The following ILF2 variants were observed in gnomAD, a reference collection of about 807,000 sequenced individuals.
ILF2 encodes the protein interleukin enhancer binding factor 2, also known as interleukin enhancer-binding factor 2.
A neutral mutation model predicts 55.3 loss-of-function variants in ILF2; 9 were observed. The observed-to-expected ratio is 0.16, with a 90% CI of 0.10 to 0.28. The LOEUF is 0.28. Among genes scored for constraint, ILF2 ranks in the 10% least tolerant of loss-of-function variants. The probability of loss-of-function intolerance (pLI) is 1.00; values close to 1 mark genes in which losing one functional copy is unlikely to be tolerated. For missense variants in ILF2, 266 were observed against 474.9 expected, an observed-to-expected ratio of 0.56 and a Z score of 4.09; for synonymous variants, 151 against 161.8, an observed-to-expected ratio of 0.93 and a Z score of 0.50.
rs1243786311 is a variant in ILF2, at chr1:153,662,432, T to C, written c.1137A>G (p.Gln379=). The C allele has an allele frequency of 1.2e-6, 2 of 1,613,450 alleles. No homozygotes were observed. The highest frequency in any genetic ancestry group is 1.7e-6 in the Non-Finnish European group (2 of 1,179,470). The change falls in exon 14 of 14, where the codon CAA becomes CAG. Residue 379 remains glutamine, a synonymous_variant. Coordinates refer to ENST00000361891, the MANE Select transcript of ILF2 (RefSeq NM_004515.4). ...TTTCCATGCTTTCTTCTTCCTCTCC[T>C]TGAGGTGGTTCTTCTGTATTCTCCT... ...EEEENTEEPP[Q]GEEEESMETQ... is the part of the protein sequence containing the mutation.
intron 6 of ILF2, chr1:153,667,216 G>C (rs555504521): frequency 2.4e-6 from 1 of 410,212 alleles, no homozygotes; most frequent in Admixed American, 4.0e-5. Flanking sequence ...AGTGGCTCAC[G>C]CCTGTAATCC....
At chr1:153,663,163 A>G in intron 11 of ILF2, 30 bp from the exon 12 acceptor site, 1 of 1,613,842 alleles carries the variant, frequency 6.2e-7, no homozygotes, top group South Asian at 1.1e-5. Context: ...GAGGTATTAA[A>G]GGAATGCACA....
chr1:153,669,996 G>A (rs982458255), intron 2 of ILF2, 118 bp from the exon 3 acceptor site: 39 of 1,110,168 alleles, frequency 3.5e-5, no homozygotes, highest in Middle Eastern at 3.9e-4. Context: ...AGTCTCCGGG[G>A]AGGGAAAGAA....
Position 153,664,406 on chromosome 1 carries a change from A to T in ILF2, c.646T>A (p.Ser216Thr). 1 of 1,613,766 alleles carries T rather than the reference A, an allele frequency of 6.2e-7. No homozygotes were observed. The highest frequency in any genetic ancestry group is 8.5e-7 in the Non-Finnish European group (1 of 1,179,630). The change falls in exon 9 of 14, where the codon TCT becomes ACT. Residue 216 changes from serine (S) to threonine (T), a missense_variant. Transcript: ENST00000361891. ...TAGAGAGGGACTCACGTGGACTGAG[A>T]AGCATTTTCCTCGAACCAGCGGGCA... ...RHARWFEENASQSTVKVLIRL... is the reference protein window; with the variant it reads ...RHARWFEENATQSTVKVLIRL...
At chr1:153,667,272 G>C (rs1324503992) in intron 6 of ILF2, 2 of 490,920 alleles carry the variant, frequency 4.1e-6, no homozygotes, top group African/African-American at 1.9e-5. Flanking sequence ...GAGCTCAGGA[G>C]TTTGAGACCA....
chr1:153,664,859 ACT>A (rs1328395925), intron 8 of ILF2, among the ~76,000 whole-genome samples: 4 of 152,094 alleles, frequency 2.6e-5, no homozygotes, highest in African/African-American at 9.7e-5. Context: ...CACCCGACCA[ACT>A]CTGCAATTCT....
chr1:153,663,390 GCAAT>G (rs1669224494), intron 10 of ILF2, 114 bp from the exon 11 acceptor site: 2 of 956,994 alleles, frequency 2.1e-6, no homozygotes, highest in South Asian at 2.8e-5. Context: ...GTGCAGTGGC[GCAAT>G]CATAGTTCAC....
Position 153,662,376 on chromosome 1 carries a change from G to A in ILF2, c.*20C>T. The A allele has an allele frequency of 2.5e-6, 4 of 1,613,828 alleles. No homozygotes were observed. The highest frequency in any genetic ancestry group is 3.4e-6 in the Non-Finnish European group (4 of 1,179,944). ...GGCTCCAGTCTTCCCCCTTGGGTAGGAAAAGGAGTGAAGGGAATGTCACTC... is the reference window on the plus strand; with the variant it reads ...GGCTCCAGTCTTCCCCCTTGGGTAGAAAAAGGAGTGAAGGGAATGTCACTC... On this transcript the variant is annotated 3_prime_UTR_variant, in exon 14 of 14. Coordinates refer to ENST00000361891, the MANE Select transcript of ILF2 (RefSeq NM_004515.4).
chr1:153,663,992 CTACTAG>C (rs776441075), intron 10 of ILF2, 45 bp downstream of exon 10: 41 of 878,114 alleles, frequency 4.7e-5, no homozygotes, highest in Non-Finnish European at 7.1e-5. Flanking sequence ...ACTACTACTA[CTACTAG>C]TAAATAAGGA....
chr1:153,665,785 G>T, intron 6 of ILF2, 57 bp from the exon 7 acceptor site: 2 of 1,317,672 alleles, frequency 1.5e-6, no homozygotes, highest in Non-Finnish European at 2.2e-6. Flanking sequence ...GACTTTCTAT[G>T]TATCTCTAAG....
intron 10 of ILF2, 131 bp from the exon 11 acceptor site, chr1:153,663,407 T>A: frequency 1.2e-6 from 1 of 818,654 alleles, no homozygotes; most frequent in Non-Finnish European, 2.0e-6. Context: ...TAGTTCACTG[T>A]AACCGCGAAC....
chr1:153,662,593 C>T (rs769375763), intron 13 of ILF2, 37 bp from the exon 14 acceptor site: 4 of 1,594,540 alleles, frequency 2.5e-6, no homozygotes. Context: ...ACGAGTAGCC[C>T]AGCATAAAAG....
rs761314129 is a variant in ILF2 at position 153,665,321 on chromosome 1, G to T, written c.476C>A (p.Thr159Asn). Residue 159 changes from threonine (T) to asparagine (N), a missense_variant, in exon 8 of 14, where the codon ACC (threonine) becomes AAC (asparagine). Transcript: ENST00000361891. Reference sequence around the variant, plus strand: ...ACTGATTTCAAAGCCAGTTTCGTTGGTCAGCATGGTTAAAACTGAAAAAAC... The same window carrying T: ...ACTGATTTCAAAGCCAGTTTCGTTGTTCAGCATGGTTAAAACTGAAAAAAC... Reference protein sequence around the residue: ...QDPSEVLTMLTNETGFEISSS... With the variant: ...QDPSEVLTMLNNETGFEISSS... The T allele has an allele frequency of 2.5e-5, 41 of 1,609,040 alleles. No individual in the cohort carries two copies. The highest frequency in any genetic ancestry group is 3.5e-5 in the Non-Finnish European group (41 of 1,175,448).
Position 153,662,434 on chromosome 1 carries a change from G to C in ILF2, c.1135C>G (p.Gln379Glu). Residue 379 changes from glutamine to glutamate, a missense_variant, in exon 14 of 14, where the codon CAA (glutamine) becomes GAA (glutamate). By Grantham distance (29) the Gln-to-Glu change is conservative (BLOSUM62 2). Coordinates refer to ENST00000361891, the MANE Select transcript of ILF2 (RefSeq NM_004515.4). ...EEEENTEEPP[Q>E]GEEEESMETQ... ...TCCATGCTTTCTTCTTCCTCTCCTT[G>C]AGGTGGTTCTTCTGTATTCTCCTCT... is the stretch of plus-strand genomic sequence containing the variant. 1 of 1,613,540 alleles carries C rather than the reference G, an allele frequency of 6.2e-7. No homozygotes were observed. The highest frequency in any genetic ancestry group is 8.5e-7 in the Non-Finnish European group (1 of 1,179,488).
Position 153,663,448 on chromosome 1 carries a change from C to T in ILF2, c.745-172G>A, listed in dbSNP as rs532124007. ...GGCTCAAGCAACCCTCCTGACTCAG[C>T]CTCCTGAGAAGCTAGGACTATAAGT... On this transcript the variant is annotated intron_variant, in intron 10 of 13. Transcript: ENST00000361891. Among the ~76,000 whole-genome samples the T allele has an allele frequency of 6.6e-5, 10 of 152,212 alleles. No individual in the cohort carries two copies. The South Asian group carries it at 8.3e-4, about 13-fold the overall frequency.
At chr1:153,666,744 T>C (rs1669317996) in intron 6 of ILF2, among the ~76,000 whole-genome samples, 1 of 152,176 alleles carries the variant, frequency 6.6e-6, no homozygotes, top group Admixed American at 6.5e-5. Flanking sequence ...TTACCTCCAG[T>C]TGAGAAACAT....
rs778978449 is a variant in ILF2, at chr1:153,670,958, A to G, written c.-36T>C. The G allele has an allele frequency of 2.5e-6, 4 of 1,613,642 alleles. No homozygotes were observed. In the South Asian group the frequency reaches 3.3e-5, roughly 13 times the overall value. On this transcript the variant is annotated 5_prime_UTR_variant, in exon 1 of 14. Coordinates refer to ENST00000361891, the MANE Select transcript of ILF2 (RefSeq NM_004515.4). ...AACACGAACAATGGAGGCCGCACCAACCGCCCCTTCCTCTGAGTAGCAGAC... is the reference window on the plus strand; with the variant it reads ...AACACGAACAATGGAGGCCGCACCAGCCGCCCCTTCCTCTGAGTAGCAGAC...
In ILF2 at chr1:153,665,281, T is replaced by C. The variant is rs1340901964; in HGVS notation, c.516A>G (p.Thr172=). ...GCACTGTTGTAATGAGAATCTTCAC[T>C]GTAGCATCAGAAGAACTGATTTCAA... ...TGFEISSSDA[T]VKILITTVPP... is the part of the protein sequence containing the mutation. Residue 172 remains threonine, a synonymous_variant, in exon 8 of 14, where the codon ACA becomes ACG. Coordinates refer to ENST00000361891, the MANE Select transcript of ILF2 (RefSeq NM_004515.4). The C allele has an allele frequency of 1.9e-6, 3 of 1,613,952 alleles. No individual in the cohort carries two copies. The highest frequency in any genetic ancestry group is 2.5e-6 in the Non-Finnish European group (3 of 1,179,802).
In ILF2 at chr1:153,663,986, CTACTACTACT is replaced by C. The variant is rs1557951601; in HGVS notation, c.744+47_744+56del. 4.0e-5 allele frequency: 35 copies of C among 882,772 alleles called. 1 individual carries two copies. The highest frequency in any genetic ancestry group is 1.4e-4 in the Admixed American group (7 of 49,128). 54.7% of individuals were successfully genotyped at this position (882,772 alleles called of 1,614,324 possible). ...ACTACTACTACTACTACTACTACTACTACTACTACTAGTAAATAAGGATGATGAGGAACTC... is the reference window on the plus strand; with the variant it reads ...ACTACTACTACTACTACTACTACTACAGTAAATAAGGATGATGAGGAACTC... On this transcript the variant is annotated intron_variant, in intron 10 of 13. Coordinates refer to ENST00000361891, the MANE Select transcript of ILF2 (RefSeq NM_004515.4).
Sources: gnomAD v4.1 joint callset for allele counts (sites outside exome capture counted in the v4.1 genomes callset) on GRCh38, gnomAD v4.1.1 for gene constraint, MANE v1.5 for transcripts, NCBI Gene and HGNC (gene_info 2026-07-23, HGNC 2026-07-21) for gene names.